MAP7: variants seen among roughly 807,000 people sequenced by gnomAD.
MAP7 encodes ensconsin.
In MAP7, 52 loss-of-function variants were observed where a neutral mutation model predicts 94.8. The ratio of observed to expected loss-of-function variants is 0.55; its 90% confidence interval spans 0.44 to 0.69. The LOEUF (loss-of-function observed/expected upper bound fraction) is 0.69, where lower values mean the gene tolerates loss of function less well. MAP7 is among the 30% of genes least tolerant of loss of function. The pLI is 0.00. For missense variants in MAP7, 940 were observed against 964.6 expected (o/e 0.97, Z 0.34); for synonymous variants, 350 against 357.0 (o/e 0.98, Z 0.22).
intron 3 of MAP7, among the ~76,000 whole-genome samples, chr6:136,406,545 G>A (rs1208084569): frequency 3.3e-5 from 5 of 152,174 alleles, no homozygotes; most frequent in African/African-American, 1.2e-4. Flanking sequence ...TAGGGGCTGG[G>A]TGTGGTGGCT....
At chr6:136,442,454 C>T (rs892683155) in intron 1 of MAP7, among the ~76,000 whole-genome samples, 2 of 138,994 alleles carry the variant, frequency 1.4e-5, no homozygotes, top group Non-Finnish European at 3.2e-5. Context: ...TCTTATAAAA[C>T]AAGGTTTCAA....
intron 1 of MAP7, among the ~76,000 whole-genome samples, chr6:136,469,649 G>A (rs1583005819): frequency 6.6e-6 from 1 of 152,264 alleles, no homozygotes; most frequent in Middle Eastern, 3.4e-3. Flanking sequence ...GCCTCCCAAA[G>A]TGCTGGGATT....
At chr6:136,401,326 TG>T (rs1203828558) in intron 3 of MAP7, among the ~76,000 whole-genome samples, 1 of 152,224 alleles carries the variant, frequency 6.6e-6, no homozygotes, top group Admixed American at 6.5e-5. Context: ...CACTCCATCC[TG>T]GGTGACATGT....
At chr6:136,405,219 T>C (rs1785228736) in intron 3 of MAP7, among the ~76,000 whole-genome samples, 1 of 152,156 alleles carries the variant, frequency 6.6e-6, no homozygotes, top group Admixed American at 6.5e-5. Flanking sequence ...AAAAAAGACA[T>C]AAATCCCTTC....
chr6:136,400,687 A>T (rs1783819667), intron 3 of MAP7, among the ~76,000 whole-genome samples: 1 of 152,226 alleles, frequency 6.6e-6, no homozygotes, highest in African/African-American at 2.4e-5. Flanking sequence ...AAAGACCCAA[A>T]GAAGTGAAAT....
intron 1 of MAP7, among the ~76,000 whole-genome samples, chr6:136,494,471 A>T: frequency 6.6e-6 from 1 of 152,242 alleles, no homozygotes; most frequent in Non-Finnish European, 1.5e-5. Context: ...ATACTTGTGC[A>T]GAAAAATTCA....
At chr6:136,540,112 C>T (rs867932745) in intron 1 of MAP7, among the ~76,000 whole-genome samples, 1 of 152,246 alleles carries the variant, frequency 6.6e-6, no homozygotes. Context: ...CAGAGGTTAC[C>T]AGCTGGGCCT....
At chr6:136,542,772 T>C (rs1829432658) in intron 1 of MAP7, among the ~76,000 whole-genome samples, 1 of 152,072 alleles carries the variant, frequency 6.6e-6, no homozygotes, top group African/African-American at 2.4e-5. Flanking sequence ...AATAAAGATA[T>C]TAGAGTCAAA....
chr6:136,408,413 T>C (rs1786294425), intron 3 of MAP7, among the ~76,000 whole-genome samples: 1 of 152,222 alleles, frequency 6.6e-6, no homozygotes, highest in Admixed American at 6.5e-5. Context: ...AGAAAGTTAT[T>C]AATAAGTCCT....
At position 136,474,166 on chromosome 6, in the gene MAP7, T is replaced by C. The variant is rs533363211; in HGVS notation, c.68-52367A>G. Reference sequence around the variant, plus strand: ...TAAGAGGGTAGAAAGAAAGTCACTCTGGGTTAAAAAGTGGTGAGAAAGAAC... The same window carrying C: ...TAAGAGGGTAGAAAGAAAGTCACTCCGGGTTAAAAAGTGGTGAGAAAGAAC... On this transcript the variant is annotated intron_variant, in intron 1 of 17. Coordinates refer to ENST00000354570, the MANE Select transcript of MAP7 (RefSeq NM_003980.6). Among the ~76,000 whole-genome samples, 27 of 152,294 alleles carry C rather than the reference T, an allele frequency of 1.8e-4. No individual in the cohort carries two copies. The East Asian group carries it at 3.9e-3, about 22-fold the overall frequency.
Position 136,362,433 on chromosome 6 carries a change from C to A in MAP7, c.1526+17G>T. Reference sequence around the variant, plus strand: ...GTATCACTGACACCATGGTGTGGAGCAATGTCTCCCATTTACCTTTCAAGC... The same window carrying A: ...GTATCACTGACACCATGGTGTGGAGAAATGTCTCCCATTTACCTTTCAAGC... On this transcript the variant is annotated intron_variant, in intron 11 of 17. Coordinates refer to ENST00000354570, the MANE Select transcript of MAP7 (RefSeq NM_003980.6). The A allele has an allele frequency of 1.2e-6, 2 of 1,612,266 alleles. No individual in the cohort carries two copies. The highest frequency in any genetic ancestry group is 2.2e-5 in the South Asian group (2 of 90,810).
At chr6:136,516,053 AG>A (rs1824720014) in intron 1 of MAP7, among the ~76,000 whole-genome samples, 1 of 152,178 alleles carries the variant, frequency 6.6e-6, no homozygotes. Context: ...CTAGTTGAGG[AG>A]ACAGACAATA....
intron 7 of MAP7, 67 bp downstream of exon 7, chr6:136,377,688 A>C: frequency 4.2e-6 from 5 of 1,200,032 alleles, no homozygotes; most frequent in Non-Finnish European, 6.2e-6. Context: ...GTGAGATGTG[A>C]TTAGACGAAT....
intron 2 of MAP7, among the ~76,000 whole-genome samples, chr6:136,420,854 G>A (rs1791113406): frequency 6.6e-6 from 1 of 151,988 alleles, no homozygotes; most frequent in African/African-American, 2.4e-5. Flanking sequence ...ACACTAGAAT[G>A]TTCTCTATAA....
At chr6:136,350,739 G>T (rs1190125477) in intron 16 of MAP7, among the ~76,000 whole-genome samples, 1 of 152,148 alleles carries the variant, frequency 6.6e-6, no homozygotes, top group African/African-American at 2.4e-5. Context: ...CGCACCTGTA[G>T]TCCCAGCTAC....
chr6:136,494,822 C>G (rs1009221984), intron 1 of MAP7, among the ~76,000 whole-genome samples: 6 of 152,142 alleles, frequency 3.9e-5, no homozygotes, highest in Admixed American at 2.0e-4. Context: ...TGTGTCAAAT[C>G]CTATGCATTA....
intron 1 of MAP7, among the ~76,000 whole-genome samples, chr6:136,463,542 C>A (rs150067254): frequency 5.1e-4 from 78 of 152,136 alleles, no homozygotes; most frequent in Non-Finnish European, 9.7e-4. Flanking sequence ...GTTTTTTCCA[C>A]CTTAACTAGT....
intron 3 of MAP7, among the ~76,000 whole-genome samples, chr6:136,401,405 G>A (rs942838949): frequency 1.3e-5 from 2 of 152,090 alleles, no homozygotes; most frequent in South Asian, 2.1e-4. Flanking sequence ...TGATAGACTC[G>A]ATTAAGAAAA....
At chr6:136,367,813 G>A (rs1041906359) in intron 8 of MAP7, among the ~76,000 whole-genome samples, 3 of 152,206 alleles carry the variant, frequency 2.0e-5, no homozygotes, top group Non-Finnish European at 4.4e-5. Context: ...CTCCTGGCTG[G>A]TGTACAGGGT....
Sources: gnomAD v4.1 joint callset for allele counts (sites outside exome capture counted in the v4.1 genomes callset) on GRCh38, gnomAD v4.1.1 for gene constraint, MANE v1.5 for transcripts, NCBI Gene and HGNC (gene_info 2026-07-23, HGNC 2026-07-21) for gene names.